ZNF536: variants seen among roughly 807,000 people sequenced by gnomAD.
The protein encoded by ZNF536 is zinc finger protein 536.
Under a neutral mutation model 84.5 loss-of-function variants are expected in ZNF536, and 13 were observed. The ratio of observed to expected loss-of-function variants is 0.15; its 90% CI spans 0.10 to 0.24. The LOEUF (loss-of-function observed/expected upper bound fraction) is 0.24. ZNF536 is among the 10% of genes least tolerant of loss of function. The pLI is 1.00. For synonymous variants in ZNF536, 811 were observed against 742.5 expected, an observed-to-expected ratio of 1.09 and a Z score of -1.50; for missense variants, 1,536 against 1,747.5, an observed-to-expected ratio of 0.88 and a Z score of 2.16.
chr19:30,503,782 C>T (rs921474453), intron 2 of ZNF536, among the ~76,000 whole-genome samples: 4 of 152,064 alleles, frequency 2.6e-5, no homozygotes, highest in Non-Finnish European at 5.9e-5. Flanking sequence ...AAACTCTTTG[C>T]CTCCCTCTAT....
intron 2 of ZNF536, among the ~76,000 whole-genome samples, chr19:30,469,801 C>G (rs1294919163): frequency 6.6e-6 from 1 of 151,974 alleles, no homozygotes; most frequent in East Asian, 1.9e-4. Context: ...CCAGGGATGC[C>G]AGAGGTGGAT....
intron 1 of ZNF536, among the ~76,000 whole-genome samples, chr19:30,403,160 T>C (rs865852879): frequency 6.6e-6 from 1 of 152,164 alleles, no homozygotes; most frequent in African/African-American, 2.4e-5. Context: ...ATCAATAACA[T>C]ATTGTTAGTC....
intron 2 of ZNF536, among the ~76,000 whole-genome samples, chr19:30,531,561 G>T (rs936717351): frequency 3.3e-5 from 5 of 151,898 alleles, no homozygotes; most frequent in Non-Finnish European, 7.4e-5. Flanking sequence ...TGAGCATAGC[G>T]GTCGATAGGT....
At chr19:30,666,712 C>G (rs1008089080) in intron 1 of ZNF536, among the ~76,000 whole-genome samples, 3 of 142,398 alleles carry the variant, frequency 2.1e-5, no homozygotes, top group African/African-American at 8.2e-5. Context: ...CCAGAAATAC[C>G]TTTTAATTGC....
intron 2 of ZNF536, among the ~76,000 whole-genome samples, chr19:30,457,484 G>A (rs955193039): frequency 6.6e-6 from 1 of 152,204 alleles, no homozygotes; most frequent in African/African-American, 2.4e-5. Flanking sequence ...GGAGAGGGCC[G>A]GAGCAGGATG....
At chr19:30,284,939 C>T (rs181797575) in intron 2 of ZNF536, among the ~76,000 whole-genome samples, 64 of 152,190 alleles carry the variant, frequency 4.2e-4, no homozygotes, top group African/African-American at 1.4e-3. Context: ...TATTCCTGAC[C>T]GTGGATTACT....
At chr19:30,583,784 T>C (rs913529380) in intron 1 of ZNF536, among the ~76,000 whole-genome samples, 1 of 152,044 alleles carries the variant, frequency 6.6e-6, no homozygotes, top group African/African-American at 2.4e-5. Context: ...AGGGATGAAA[T>C]AACAGACAGA....
At chr19:30,505,791 G>A (rs1687889968) in intron 2 of ZNF536, among the ~76,000 whole-genome samples, 1 of 151,792 alleles carries the variant, frequency 6.6e-6, no homozygotes, top group Admixed American at 6.6e-5. Context: ...TCAGCCTCCC[G>A]ACTAGCTGGG....
At chr19:30,424,959 G>A (rs2051147960) in intron 1 of ZNF536, among the ~76,000 whole-genome samples, 1 of 152,166 alleles carries the variant, frequency 6.6e-6, no homozygotes, top group South Asian at 2.1e-4. Flanking sequence ...GTATGGCTCA[G>A]GATCCCAGGG....
intron 2 of ZNF536, among the ~76,000 whole-genome samples, chr19:30,533,096 G>A (rs2044916407): frequency 6.6e-6 from 1 of 152,144 alleles, no homozygotes; most frequent in South Asian, 2.1e-4. Context: ...GGGAGAATAG[G>A]ATTAAAGTGA....
downstream of ZNF536, among the ~76,000 whole-genome samples, chr19:30,562,141 G>T (rs1382833148): frequency 6.6e-6 from 1 of 152,160 alleles, no homozygotes. Flanking sequence ...CTCAGCCAAA[G>T]GAGGGAGCAT....
Position 30,482,241 on chromosome 19 carries a change from TC to T in ZNF536, c.2170+36510del, listed in dbSNP as rs2054120538. 2.6e-5 allele frequency among the ~76,000 whole-genome samples: 4 copies of T among 152,314 alleles called. No individual in the cohort carries two copies. In the South Asian group the frequency reaches 8.3e-4, roughly 32 times the overall value. On this transcript the variant is annotated intron_variant, in intron 2 of 4. Transcript: ENST00000355537. ...GTCGAATGGTAGATCCACTTTCAGT[TC>T]TTTAAGGAATCTTCTGTTTTCCACA... is the stretch of plus-strand genomic sequence containing the variant.
intron 4 of ZNF536, among the ~76,000 whole-genome samples, chr19:30,550,574 AGGAAG>A (rs2045737981): frequency 3.3e-5 from 5 of 151,808 alleles, no homozygotes; most frequent in African/African-American, 1.2e-4. Flanking sequence ...GCAGGAAGGC[AGGAAG>A]GGAGGAGGGC....
chr19:30,384,188 C>T (rs568542390), intron 1 of ZNF536, among the ~76,000 whole-genome samples: 1 of 55,294 alleles, frequency 1.8e-5, no homozygotes, highest in Non-Finnish European at 4.3e-5. Flanking sequence ...TTTCTTTCTC[C>T]TTCCTTCCTT....
At chr19:30,495,396 G>T (rs1384477737) in intron 2 of ZNF536, among the ~76,000 whole-genome samples, 1 of 152,138 alleles carries the variant, frequency 6.6e-6, no homozygotes, top group African/African-American at 2.4e-5. Context: ...AATATTTGTT[G>T]AATAAATGAA....
At chr19:30,563,906 C>T (rs548216436) in intron 1 of ZNF536, among the ~76,000 whole-genome samples, 16 of 152,294 alleles carry the variant, frequency 1.1e-4, no homozygotes, top group South Asian at 2.1e-4. Context: ...GGCCTGGAAC[C>T]TCCAGATGGA....
intron 1 of ZNF536, among the ~76,000 whole-genome samples, chr19:30,396,704 A>G (rs1375794838): frequency 6.7e-6 from 1 of 150,174 alleles, no homozygotes; most frequent in African/African-American, 2.5e-5. Context: ...CGCCAGGTTC[A>G]AGTGATTCTC....
intron 1 of ZNF536, among the ~76,000 whole-genome samples, chr19:30,582,424 C>T (rs1206531513): frequency 6.8e-6 from 1 of 147,236 alleles, no homozygotes; most frequent in East Asian, 2.0e-4. Flanking sequence ...TTCTCTCACC[C>T]AGGTGCAAAT....
At chr19:30,308,163 C>T (rs1297787183) in intron 2 of ZNF536, among the ~76,000 whole-genome samples, 3 of 152,104 alleles carry the variant, frequency 2.0e-5, no homozygotes, top group Non-Finnish European at 4.4e-5. Flanking sequence ...AGCATTAGAA[C>T]CAAGAGCAGA....
Sources: allele counts gnomAD v4.1 joint callset (sites outside exome capture counted in the v4.1 genomes callset), GRCh38; gene constraint gnomAD v4.1.1; transcripts MANE v1.5; gene names NCBI Gene and HGNC (gene_info 2026-07-23, HGNC 2026-07-21).